CLIC5: variants seen among roughly 807,000 people sequenced by gnomAD.
CLIC5 encodes the protein CLIC family member 5, also known as chloride intracellular channel protein 5.
Under a neutral mutation model 24.7 loss-of-function variants are expected in CLIC5, and 20 were observed. The ratio of observed to expected loss-of-function variants is 0.81; its 90% CI spans 0.57 to 1.18. CLIC5 has a LOEUF of 1.18. CLIC5 is among the 50% of genes most tolerant of loss of function. The probability of loss-of-function intolerance (pLI) is 0.00; values close to 1 mark genes in which losing one functional copy is unlikely to be tolerated. For synonymous variants in CLIC5, 159 were observed against 135.6 expected, an observed-to-expected ratio of 1.17 and a Z score of -1.20; for missense variants, 341 against 326.1, an observed-to-expected ratio of 1.05 and a Z score of -0.35.
chr6:46,127,852 T>C, the CLIC5 span, among the ~76,000 whole-genome samples: 2 of 152,242 alleles, frequency 1.3e-5, no homozygotes, highest in Non-Finnish European at 2.9e-5. Flanking sequence ...AGAAGAAATC[T>C]AGACGTCATT....
intron 3 of CLIC5, among the ~76,000 whole-genome samples, chr6:45,949,052 C>G (rs773013665): frequency 5.3e-5 from 8 of 152,126 alleles, no homozygotes; most frequent in Admixed American, 2.6e-4. Flanking sequence ...TAGGCCATAT[C>G]TACTCTTGAG....
chr6:46,128,422 A>C, the CLIC5 span, among the ~76,000 whole-genome samples: 5 of 152,246 alleles, frequency 3.3e-5, no homozygotes, highest in African/African-American at 1.2e-4. Context: ...ACAAAATTTA[A>C]GTTCTGCTAA....
chr6:45,924,764 C>CATAT (rs34278266), intron 4 of CLIC5, among the ~76,000 whole-genome samples: 79 of 150,902 alleles, frequency 5.2e-4, no homozygotes, highest in South Asian at 1.5e-3. Flanking sequence ...AGACAGAGCC[C>CATAT]ATATATATAT....
intron 1 of CLIC5, among the ~76,000 whole-genome samples, chr6:45,969,557 T>C (rs1051369890): frequency 1.3e-5 from 2 of 151,760 alleles, no homozygotes; most frequent in African/African-American, 4.8e-5. Context: ...GGATGGAGTT[T>C]GCTATTGAAT....
chr6:45,926,279 GCT>G (rs1240645350), intron 4 of CLIC5, among the ~76,000 whole-genome samples: 1 of 146,842 alleles, frequency 6.8e-6, no homozygotes, highest in African/African-American at 2.5e-5. Context: ...ATGGAGTCTC[GCT>G]CTGTCACCCA....
chr6:46,029,047 T>A (rs763380283), intron 1 of CLIC5, among the ~76,000 whole-genome samples: 1 of 152,180 alleles, frequency 6.6e-6, no homozygotes, highest in East Asian at 1.9e-4. Flanking sequence ...CAGAATGTCA[T>A]GTAGTTGAAA....
At chr6:46,038,852 G>A (rs1034075897) in intron 1 of CLIC5, among the ~76,000 whole-genome samples, 2 of 152,210 alleles carry the variant, frequency 1.3e-5, no homozygotes, top group African/African-American at 4.8e-5. Flanking sequence ...CCTAGATGTT[G>A]TAGTTAGAGC....
chr6:46,084,919 T>C (rs1307899379), upstream of CLIC5, among the ~76,000 whole-genome samples: 1 of 152,228 alleles, frequency 6.6e-6, no homozygotes. Context: ...ACCAATCAGA[T>C]GCAGATTTGG....
rs1168615836 is a variant in CLIC5, at chr6:46,006,099, TATATATATATATACACATGTATAAATAC to T, written c.63+9353_63+9380del. Reference sequence around the variant, plus strand: ...ATATACACATGTATAAATACATATATATATATATATATACACATGTATAAATACATATATATATATATATATATATATA... The same window carrying T: ...ATATACACATGTATAAATACATATATATATATATATATATATATATATATA... On this transcript the variant is annotated intron_variant, in intron 1 of 5. Transcript: ENST00000339561. 3.5e-3 allele frequency among the ~76,000 whole-genome samples: 162 copies of T among 46,864 alleles called. 1 individual carries two copies. The highest frequency in any genetic ancestry group is 0.017 in the Middle Eastern group (1 of 60). 30.7% of individuals were successfully genotyped at this position (46,864 alleles called of 152,430 possible).
intron 1 of CLIC5, among the ~76,000 whole-genome samples, chr6:46,066,754 G>T (rs946225): frequency 0.38 from 58,087 of 151,988 alleles, 11,371 homozygotes; most frequent in East Asian, 0.63. Flanking sequence ...ATGAAGGCAG[G>T]CACTGAGGGA....
the CLIC5 span, among the ~76,000 whole-genome samples, chr6:46,107,618 G>A: frequency 1.3e-5 from 2 of 152,148 alleles, no homozygotes; most frequent in South Asian, 2.1e-4. Flanking sequence ...AAGTATTTTC[G>A]GTTTAAAAAA....
intron 1 of CLIC5, among the ~76,000 whole-genome samples, chr6:46,035,048 AG>A (rs1174357266): frequency 6.6e-6 from 1 of 152,250 alleles, no homozygotes; most frequent in East Asian, 1.9e-4. Context: ...CACATTAAAA[AG>A]TTTTACCCAT....
intron 1 of CLIC5, among the ~76,000 whole-genome samples, chr6:45,986,286 T>C (rs758714070): frequency 6.6e-5 from 10 of 152,198 alleles, no homozygotes; most frequent in Admixed American, 6.5e-4. Flanking sequence ...GTAACAGGAA[T>C]GCAGGGTGGT....
intron 4 of CLIC5, among the ~76,000 whole-genome samples, chr6:45,930,909 T>C (rs1252368105): frequency 3.3e-5 from 5 of 152,224 alleles, no homozygotes; most frequent in African/African-American, 1.2e-4. Flanking sequence ...GAACTTGCTA[T>C]TGTAGCCACG....
At chr6:46,032,578 C>A (rs1021799176) in intron 1 of CLIC5, among the ~76,000 whole-genome samples, 2 of 152,220 alleles carry the variant, frequency 1.3e-5, no homozygotes, top group Non-Finnish European at 2.9e-5. Flanking sequence ...CACACAGAAT[C>A]CCTCAGGCTA....
chr6:46,034,093 A>G (rs1371362325), intron 1 of CLIC5, among the ~76,000 whole-genome samples: 1 of 152,230 alleles, frequency 6.6e-6, no homozygotes, highest in Non-Finnish European at 1.5e-5. Context: ...CAGTGTCTGG[A>G]TCTTAAAATA....
intron 1 of CLIC5, among the ~76,000 whole-genome samples, chr6:46,002,316 A>G (rs190180502): frequency 4.1e-4 from 62 of 152,296 alleles, no homozygotes; most frequent in Non-Finnish European, 6.5e-4. Flanking sequence ...ATGGAAGAAG[A>G]GCCGACTGGA....
chr6:46,007,901 T>C (rs903276392), intron 1 of CLIC5, among the ~76,000 whole-genome samples: 1 of 141,400 alleles, frequency 7.1e-6, no homozygotes. Flanking sequence ...TTTTTTCCTG[T>C]TTTTTTTCTT....
rs79108418 is a variant in CLIC5, at chr6:45,962,864, C to A, written c.64-7620G>T. ...CTACAACTTTGTATGTTGCACAGTG[C>A]CACTGTGTTCATGGCCCATTGGGGT... On this transcript the variant is annotated intron_variant, in intron 1 of 5. Transcript: ENST00000339561. Among the ~76,000 whole-genome samples the A allele has an allele frequency of 6.6e-3, 1,004 of 152,304 alleles. 8 individuals are homozygous for A. Among genetic ancestry groups the A allele is most frequent in the African/African-American group, 0.023 (948 of 41,548 alleles).
Sources: gnomAD v4.1 joint callset for allele counts (sites outside exome capture counted in the v4.1 genomes callset) on GRCh38, gnomAD v4.1.1 for gene constraint, MANE v1.5 for transcripts, NCBI Gene and HGNC (gene_info 2026-07-23, HGNC 2026-07-21) for gene names.